The following RANBP17 variants were observed in gnomAD, a reference collection of about 807,000 sequenced individuals.
RANBP17 encodes ran-binding protein 17.
A neutral mutation model predicts 141.2 loss-of-function variants in RANBP17; 158 were observed. The ratio of observed to expected loss-of-function variants is 1.12; its 90% CI spans 0.98 to 1.28. The LOEUF (loss-of-function observed/expected upper bound fraction) is 1.28, where lower values mean the gene tolerates loss of function less well. RANBP17 is among the 50% of genes most tolerant of loss of function. The pLI is 0.00. For missense variants in RANBP17, 1,438 were observed against 1,290.7 expected (o/e 1.11, Z -1.75); for synonymous variants, 430 against 450.0 (o/e 0.96, Z 0.56).
rs567490107 is a variant in RANBP17 at position 170,938,674 on chromosome 5, A to G, written c.1468+14124A>G. Among the ~76,000 whole-genome samples the G allele has an allele frequency of 6.6e-5, 10 of 152,348 alleles. No individual in the cohort carries two copies. In the East Asian group the frequency reaches 1.7e-3, roughly 26 times the overall value. The stretch of plus-strand genomic sequence containing the variant: ...TTTTTTATTGAAAACTTTGTGATCT[A>G]AAATTTCATGGATGTGTTAAACAGT... On this transcript the variant is annotated intron_variant, in intron 12 of 27. Coordinates refer to ENST00000523189, the MANE Select transcript of RANBP17 (RefSeq NM_022897.5).
In RANBP17 at chr5:170,918,748, T is replaced by C; in HGVS notation, c.990T>C (p.Cys330=). ...LSDPGNYHEF[C]RFLARLKTNY... ...ATCCAGGTAATTATCATGAATTTTG[T>C]CGATTTTTGGCTCGTTTAAAGACAA... The change falls in exon 10 of 28, where the codon TGT becomes TGC. Residue 330 remains cysteine, a synonymous_variant. Coordinates refer to ENST00000523189, the MANE Select transcript of RANBP17 (RefSeq NM_022897.5). 1 of 1,607,954 alleles carries C rather than the reference T, an allele frequency of 6.2e-7. No individual in the cohort carries two copies. The highest frequency in any genetic ancestry group is 8.5e-7 in the Non-Finnish European group (1 of 1,176,904).
chr5:170,970,973 A>G (rs1393023753), intron 14 of RANBP17, among the ~76,000 whole-genome samples: 1 of 152,156 alleles, frequency 6.6e-6, no homozygotes, highest in South Asian at 2.1e-4. Context: ...GTATGCTTTC[A>G]ACTTACTGTT....
rs1211576966 is a variant in RANBP17 at position 170,882,122 on chromosome 5, T to TTG, written c.256+226_256+227insTG. ...TTTTTTGAGACAGAGTCTTGCTCTG[T>TTG]CACCAGGCTGGAGTGCAGTGGCGCG... On this transcript the variant is annotated intron_variant, in intron 3 of 27. Transcript: ENST00000523189. Among the ~76,000 whole-genome samples, 8 of 152,284 alleles carry TTG rather than the reference T, an allele frequency of 5.3e-5. No individual in the cohort carries two copies. In the East Asian group the frequency reaches 1.5e-3, roughly 29 times the overall value.
rs373329091 is a variant in RANBP17, at chr5:170,921,184, G to A, written c.1274+1571G>A. Among the ~76,000 whole-genome samples, 63 of 152,246 alleles carry A rather than the reference G, an allele frequency of 4.1e-4. 1 individual carries two copies. In the South Asian group the frequency reaches 0.013, roughly 31 times the overall value. ...CTTGCCCATGCCTATGTCCTGAATG[G>A]TATTGACTAGGTTTTCTGCTAGGGT... is the stretch of plus-strand genomic sequence containing the variant. On this transcript the variant is annotated intron_variant, in intron 11 of 27. Transcript: ENST00000523189.
At chr5:171,089,733 C>T (rs187089725) in intron 14 of RANBP17, among the ~76,000 whole-genome samples, 1,999 of 152,258 alleles carry the variant, frequency 0.013, 46 homozygotes, top group African/African-American at 0.046. Flanking sequence ...CAGGTGCGTT[C>T]GTCACCCCTT....
At chr5:171,013,210 C>T (rs144791822) in intron 14 of RANBP17, among the ~76,000 whole-genome samples, 1,771 of 152,264 alleles carry the variant, frequency 0.012, 32 homozygotes, top group African/African-American at 0.041. Context: ...TCTCAACATT[C>T]ATCACCCACC....
chr5:170,972,355 TG>T (rs1270404920), intron 14 of RANBP17, among the ~76,000 whole-genome samples: 1 of 152,052 alleles, frequency 6.6e-6, no homozygotes, highest in Non-Finnish European at 1.5e-5. Flanking sequence ...CTAATTTTTT[TG>T]TATTTTTAGT....
Position 171,146,305 on chromosome 5 carries a change from A to G in RANBP17, c.1711-23825A>G, listed in dbSNP as rs146026982. Among the ~76,000 whole-genome samples the G allele has an allele frequency of 1.8e-3, 267 of 152,368 alleles. 1 individual carries two copies. The highest frequency in any genetic ancestry group is 5.6e-3 in the African/African-American group (234 of 41,584). ...TAGAAAGGGCAGAACAAGAAAATGT[A>G]ATTATCAAGAGGAGGAATGCTGTTT... On this transcript the variant is annotated intron_variant, in intron 14 of 27. Transcript: ENST00000523189.
chr5:171,027,213 T>C (rs1781289115), intron 14 of RANBP17, among the ~76,000 whole-genome samples: 1 of 152,214 alleles, frequency 6.6e-6, no homozygotes, highest in African/African-American at 2.4e-5. Flanking sequence ...TCACATAAAA[T>C]CAGGCATTGC....
chr5:171,251,928 T>G, intron 24 of RANBP17: 1 of 1,600,312 alleles, frequency 6.2e-7, no homozygotes, highest in Non-Finnish European at 8.6e-7. Flanking sequence ...AGCACTATTT[T>G]GGATTAGTCA....
intron 2 of RANBP17, among the ~76,000 whole-genome samples, chr5:170,880,453 T>G (rs1768563895): frequency 6.6e-6 from 1 of 152,246 alleles, no homozygotes; most frequent in Non-Finnish European, 1.5e-5. Context: ...CAATGTTGAT[T>G]TAATTAACTC....
At position 171,186,591 on chromosome 5, in the gene RANBP17, C is replaced by T. The variant is rs372467702; in HGVS notation, c.2038+3161C>T. On this transcript the variant is annotated intron_variant, in intron 18 of 27. Transcript: ENST00000523189. ...TCGCTCTGTCGCCCAGGCTGGAGTG[C>T]AGTGGTGCGATCTCGGCTCACTGCA... 7.0e-3 allele frequency among the ~76,000 whole-genome samples: 742 copies of T among 105,758 alleles called. 22 individuals are homozygous for T. The highest frequency in any genetic ancestry group is 0.025 in the African/African-American group (611 of 24,338). The allele number at this position is 105,758 out of a possible 152,430, so 69.4% of individuals were successfully genotyped here. A position where few individuals can be genotyped will look rare whatever the true frequency, so the allele number is the denominator to read the frequency against.
At chr5:171,224,591 T>C (rs566219013) in intron 22 of RANBP17, among the ~76,000 whole-genome samples, 32 of 152,054 alleles carry the variant, frequency 2.1e-4, no homozygotes, top group Non-Finnish European at 2.9e-4. Context: ...GCAGCAAAAG[T>C]TGAGAAAAAT....
At chr5:170,905,337 C>T (rs1265803378) in intron 5 of RANBP17, among the ~76,000 whole-genome samples, 4 of 152,030 alleles carry the variant, frequency 2.6e-5, no homozygotes, top group African/African-American at 9.7e-5. Flanking sequence ...TATGTGTTTG[C>T]GTGTGGGCAT....
At chr5:171,223,097 A>T (rs545062023) in intron 22 of RANBP17, among the ~76,000 whole-genome samples, 1 of 152,316 alleles carries the variant, frequency 6.6e-6, no homozygotes, top group African/African-American at 2.4e-5. Flanking sequence ...GGGTGTTTTA[A>T]GTTGTTTTTA....
chr5:170,934,615 G>A (rs574411153), intron 12 of RANBP17, among the ~76,000 whole-genome samples: 150 of 152,326 alleles, frequency 9.8e-4, no homozygotes, highest in African/African-American at 3.5e-3. Context: ...TTTTCTTGAA[G>A]AATGTTGAAT....
intron 14 of RANBP17, among the ~76,000 whole-genome samples, chr5:171,064,721 A>T (rs777927702): frequency 1.3e-5 from 2 of 151,870 alleles, no homozygotes; most frequent in Non-Finnish European, 2.9e-5. Flanking sequence ...GGGTTTCTCC[A>T]TGTTGCGTAG....
intron 22 of RANBP17, among the ~76,000 whole-genome samples, chr5:171,226,410 A>G (rs1257873236): frequency 2.0e-5 from 3 of 152,238 alleles, no homozygotes; most frequent in African/African-American, 7.2e-5. Flanking sequence ...AGAACGCAAT[A>G]TATAAAGATT....
chr5:170,917,159 G>C (rs1310642276), intron 9 of RANBP17, among the ~76,000 whole-genome samples: 2 of 152,046 alleles, frequency 1.3e-5, no homozygotes, highest in Non-Finnish European at 2.9e-5. Flanking sequence ...TTTTACCATT[G>C]TATTACATTT....
Sources: allele counts gnomAD v4.1 joint callset (sites outside exome capture counted in the v4.1 genomes callset), GRCh38; gene constraint gnomAD v4.1.1; transcripts MANE v1.5; gene names NCBI Gene and HGNC (gene_info 2026-07-23, HGNC 2026-07-21).